The following ACOT12 variants were observed in gnomAD, a reference collection of about 807,000 sequenced individuals.
ACOT12 encodes the protein acyl-CoA thioesterase 12.
A neutral mutation model predicts 67.7 loss-of-function variants in ACOT12; 51 were observed. The ratio of observed to expected loss-of-function variants is 0.75; its 90% CI spans 0.60 to 0.95. The LOEUF (loss-of-function observed/expected upper bound fraction) is 0.95, where lower values mean the gene tolerates loss of function less well. Among genes scored for constraint, ACOT12 ranks in the 40% least tolerant of loss-of-function variants. ACOT12 has a pLI of 0.00. For missense variants in ACOT12, 734 were observed against 708.1 expected (o/e 1.04, Z -0.41); for synonymous variants, 251 against 244.6 (o/e 1.03, Z -0.24).
chr5:81,370,263 G>A (rs1157893052), intron 3 of ACOT12, among the ~76,000 whole-genome samples: 3 of 152,078 alleles, frequency 2.0e-5, no homozygotes, highest in Non-Finnish European at 4.4e-5. Flanking sequence ...ACAGAGTGAG[G>A]CTCTGTCTCA....
the ACOT12 span, among the ~76,000 whole-genome samples, chr5:81,318,273 A>G: frequency 6.6e-6 from 1 of 152,140 alleles, no homozygotes; most frequent in Non-Finnish European, 1.5e-5. Flanking sequence ...TTTTCCCAGC[A>G]CTGTTTGTTG....
downstream of ACOT12, among the ~76,000 whole-genome samples, chr5:81,329,080 T>C (rs953916996): frequency 1.8e-4 from 28 of 152,184 alleles, no homozygotes; most frequent in Admixed American, 6.5e-5. Context: ...GCAACATCTT[T>C]ATGTCTCAGA....
rs1254568174 is a variant in ACOT12, at chr5:81,386,326, AAG to A, written c.128-502_128-501del. 5.9e-5 allele frequency among the ~76,000 whole-genome samples: 9 copies of A among 152,336 alleles called. No individual in the cohort carries two copies. In the South Asian group the frequency reaches 1.4e-3, roughly 25 times the overall value. On this transcript the variant is annotated intron_variant, in intron 1 of 14. Transcript: ENST00000307624. ...GAGGATCTTCTCTGGGTATCAGAGA[AAG>A]AGAGATGGGCACACAGTAGATATTT...
At chr5:81,350,787 C>T (rs941724908) in intron 5 of ACOT12, among the ~76,000 whole-genome samples, 1 of 152,272 alleles carries the variant, frequency 6.6e-6, no homozygotes, top group Middle Eastern at 3.4e-3. Flanking sequence ...TCCCATTCCA[C>T]CTAAGGCTAA....
rs780278602 is a variant in ACOT12, at chr5:81,363,808, T to G, written c.340A>C (p.Lys114Gln). 3.4e-5 allele frequency: 55 copies of G among 1,610,152 alleles called. No homozygotes were observed. The South Asian group carries it at 6.1e-4, about 18-fold the overall frequency. The stretch of plus-strand genomic sequence containing the variant: ...TTTACCTTTTCTTTTCCAACTGGTT[T>G]GGCTACAAATGTGGAGAAAGCCACA... ...VSVAFSTFVA[K>Q]PVGKEKIHLK... The change falls in exon 4 of 15, where the codon AAA becomes CAA. Residue 114 changes from lysine to glutamine, a missense_variant. Physicochemically the swap from Lys to Gln is moderately conservative, Grantham distance 53. Transcript: ENST00000307624.
At chr5:81,309,723 C>G in the ACOT12 span, among the ~76,000 whole-genome samples, 1 of 149,338 alleles carries the variant, frequency 6.7e-6, no homozygotes, top group Non-Finnish European at 1.5e-5. Flanking sequence ...CACTCACTAG[C>G]TGGGGGGCTT....
At chr5:81,392,074 C>T (rs545370670) in intron 1 of ACOT12, among the ~76,000 whole-genome samples, 85 of 152,208 alleles carry the variant, frequency 5.6e-4, no homozygotes, top group African/African-American at 2.0e-3. Flanking sequence ...AATAATGGGG[C>T]CACTGACAGA....
chr5:81,314,070 C>G, the ACOT12 span, among the ~76,000 whole-genome samples: 3 of 152,000 alleles, frequency 2.0e-5, no homozygotes, highest in Non-Finnish European at 4.4e-5. Flanking sequence ...ATGTTGGTAT[C>G]CACTTTGTCT....
Position 81,346,003 on chromosome 5 carries a change from G to T in ACOT12, c.655C>A (p.Arg219Ser). 1.9e-6 allele frequency: 3 copies of T among 1,613,430 alleles called. No homozygotes were observed. The highest frequency in any genetic ancestry group is 2.5e-6 in the Non-Finnish European group (3 of 1,179,732). The change falls in exon 7 of 15, where the codon CGC (arginine) becomes AGC (serine). Residue 219 changes from arginine to serine, a missense_variant and splice_region_variant. Arg to Ser is a moderately radical substitution (Grantham distance 110). Transcript: ENST00000307624. ...AGAAAGGGATGAGCCCAACACAGGC[G>T]GCTGGGGAGACAAAGGGAGGGAGAG... is the stretch of plus-strand genomic sequence containing the variant. ...METVATISASRLCWAHPFLKS... is the reference protein window; with the variant it reads ...METVATISASSLCWAHPFLKS...
intron 4 of ACOT12, 40 bp downstream of exon 4, chr5:81,363,748 T>C: frequency 6.8e-7 from 1 of 1,481,406 alleles, no homozygotes; most frequent in Non-Finnish European, 9.3e-7. Flanking sequence ...ACTATGTCCC[T>C]GAATTACATG....
chr5:81,393,918 C>A (rs879506856), intron 1 of ACOT12, 70 bp downstream of exon 1: 4 of 1,275,636 alleles, frequency 3.1e-6, no homozygotes, highest in Non-Finnish European at 3.9e-6. Flanking sequence ...CCTACCCCCC[C>A]CAGCCCCCAG....
rs1268827765 is a variant in ACOT12, at chr5:81,330,922, T to C, written c.1410A>G (p.Ala470=). 2 of 1,611,858 alleles carry C rather than the reference T, an allele frequency of 1.2e-6. No homozygotes were observed. The highest frequency in any genetic ancestry group is 1.1e-5 in the South Asian group (1 of 90,714). Residue 470 remains alanine (A), a synonymous_variant, in exon 14 of 15, where the codon GCA becomes GCG. Coordinates refer to ENST00000307624, the MANE Select transcript of ACOT12 (RefSeq NM_130767.3). ...PLKDGNTYTV[A]VKSVILPSVP... is the part of the protein sequence containing the mutation. The stretch of plus-strand genomic sequence containing the variant: ...CCGATGGCAAAATGACCGACTTCAC[T>C]GCCACTGTGTAAGTGTTACTGAAAG...
In ACOT12 at chr5:81,371,901, C is replaced by A. The variant is rs1760266468; in HGVS notation, c.198-91G>T. The A allele has an allele frequency of 1.3e-5, 14 of 1,073,154 alleles. No homozygotes were observed. The South Asian group carries it at 1.9e-4, about 14-fold the overall frequency. The allele number at this position is 1,073,154 out of a possible 1,614,324, so 66.5% of individuals were successfully genotyped here. A position where few individuals can be genotyped will look rare whatever the true frequency, so the allele number is the denominator to read the frequency against. On this transcript the variant is annotated intron_variant, in intron 2 of 14. Transcript: ENST00000307624. Reference sequence around the variant, plus strand: ...GATTACTTAAATGCATGCCATAAAGCAGTTCCACCTTATCATGCTGATAAT... The same window carrying A: ...GATTACTTAAATGCATGCCATAAAGAAGTTCCACCTTATCATGCTGATAAT...
intron 2 of ACOT12, among the ~76,000 whole-genome samples, chr5:81,385,051 C>T (rs1760691006): frequency 6.6e-6 from 1 of 152,318 alleles, no homozygotes; most frequent in Admixed American, 6.5e-5. Context: ...ACTCTCTCTA[C>T]TCAGATGAAT....
the ACOT12 span, among the ~76,000 whole-genome samples, chr5:81,323,539 C>A: frequency 2.6e-5 from 4 of 152,142 alleles, no homozygotes; most frequent in Non-Finnish European, 4.4e-5. Flanking sequence ...TGCTAACATT[C>A]CATTGATGTG....
At chr5:81,374,805 TAAAC>T (rs1381726843) in intron 2 of ACOT12, among the ~76,000 whole-genome samples, 3 of 152,010 alleles carry the variant, frequency 2.0e-5, no homozygotes, top group Middle Eastern at 3.4e-3. Flanking sequence ...AGAATGAAAA[TAAAC>T]AAACAAAGCC....
At chr5:81,325,406 C>A (rs1378755510), downstream of ACOT12, among the ~76,000 whole-genome samples, 3 of 152,088 alleles carry the variant, frequency 2.0e-5, no homozygotes, top group African/African-American at 7.2e-5. Flanking sequence ...ACAATTTTCA[C>A]CTGCTGTGTG....
the ACOT12 span, chr5:81,312,470 A>C: frequency 1.6e-6 from 2 of 1,228,570 alleles, no homozygotes; most frequent in Non-Finnish European, 2.3e-6. Context: ...TTCCTTTCCC[A>C]AACCAATAAC....
At chr5:81,359,089 T>C (rs575667221) in intron 5 of ACOT12, among the ~76,000 whole-genome samples, 4 of 152,160 alleles carry the variant, frequency 2.6e-5, no homozygotes, top group Admixed American at 6.5e-5. Context: ...TGTTCTGACA[T>C]GTTCTTGTCC....
Sources: allele counts gnomAD v4.1 joint callset (sites outside exome capture counted in the v4.1 genomes callset), GRCh38; gene constraint gnomAD v4.1.1; transcripts MANE v1.5; gene names NCBI Gene and HGNC (gene_info 2026-07-23, HGNC 2026-07-21).